DIAPH2: variants seen among roughly 807,000 people sequenced by gnomAD.
DIAPH2 encodes the protein protein diaphanous homolog 2.
A neutral mutation model predicts 92.7 loss-of-function variants in DIAPH2; 35 were observed. That is an observed-to-expected ratio of 0.38 (90% CI 0.29 to 0.50). The LOEUF (loss-of-function observed/expected upper bound fraction) is 0.50. Among genes scored for constraint, DIAPH2 ranks in the 20% least tolerant of loss-of-function variants. DIAPH2 has a pLI of 0.94. For missense variants in DIAPH2, 701 were observed against 819.5 expected (o/e 0.86, Z 1.77); for synonymous variants, 301 against 280.4 (o/e 1.07, Z -0.73).
At chrX:97,044,712 TCTCTTC>T (rs2066469655) in intron 17 of DIAPH2, among the ~76,000 whole-genome samples, 1 of 110,986 alleles carries the variant, frequency 9.0e-6, no homozygotes, top group East Asian at 2.9e-4. Flanking sequence ...TGCTCTAGTG[TCTCTTC>T]TCTTGATAGA....
At chrX:97,177,265 C>G (rs2067500137) in intron 22 of DIAPH2, among the ~76,000 whole-genome samples, 1 of 111,397 alleles carries the variant, frequency 9.0e-6, no homozygotes, top group Admixed American at 9.6e-5. Context: ...GAGATGTTAT[C>G]TTTTCTAATC....
At chrX:97,082,385 C>T (rs766486057) in intron 19 of DIAPH2, among the ~76,000 whole-genome samples, 1 of 106,884 alleles carries the variant, frequency 9.4e-6, no homozygotes, top group African/African-American at 3.4e-5. Flanking sequence ...GTTGGGAGGC[C>T]GAGGAGGGAA....
chrX:96,847,880 G>A (rs2064981999), intron 4 of DIAPH2, among the ~76,000 whole-genome samples: 1 of 110,908 alleles, frequency 9.0e-6, no homozygotes, highest in African/African-American at 3.3e-5. Context: ...ACAAGGTAGT[G>A]AACTAATATA....
chrX:97,515,166 C>T (rs765944105), intron 26 of DIAPH2, among the ~76,000 whole-genome samples: 9 of 112,541 alleles, frequency 8.0e-5, no homozygotes, highest in African/African-American at 2.6e-4. Context: ...AGCGAGATTC[C>T]GTGGGCGTAG....
intron 24 of DIAPH2, among the ~76,000 whole-genome samples, chrX:97,372,153 C>T (rs907553706): frequency 1.8e-5 from 2 of 112,220 alleles, no homozygotes; most frequent in African/African-American, 6.5e-5. Flanking sequence ...ACGGGAGAGA[C>T]AGTTTTTCCC....
intron 22 of DIAPH2, among the ~76,000 whole-genome samples, chrX:97,169,670 G>A (rs1436010274): frequency 1.8e-5 from 2 of 111,800 alleles, no homozygotes; most frequent in Non-Finnish European, 3.8e-5. Flanking sequence ...TTGAGACTAG[G>A]CTGAGCAACA....
chrX:97,411,911 TAGAGACCTAAGA>T (rs908818918), intron 25 of DIAPH2, among the ~76,000 whole-genome samples: 2 of 111,228 alleles, frequency 1.8e-5, no homozygotes, highest in Non-Finnish European at 3.8e-5. Context: ...AGCAAGTCCT[TAGAGACCTAAGA>T]AGAGACTTAG....
Position 97,360,958 on chromosome X carries a change from C to T in DIAPH2, c.3009+12678C>T, listed in dbSNP as rs188032865. On this transcript the variant is annotated intron_variant, in intron 24 of 26. Coordinates refer to ENST00000324765, the MANE Select transcript of DIAPH2 (RefSeq NM_006729.5). ...AGTCATAGCTCACTGTAGCCTCAGACCCCTGGGCTCAAGCTATCCTTCCAC... is the reference window on the plus strand; with the variant it reads ...AGTCATAGCTCACTGTAGCCTCAGATCCCTGGGCTCAAGCTATCCTTCCAC... Among the ~76,000 whole-genome samples the T allele has an allele frequency of 6.3e-5, 7 of 110,997 alleles. No individual in the cohort carries two copies. The East Asian group carries it at 1.7e-3, about 27-fold the overall frequency.
chrX:96,770,837 A>AT (rs2064334153), intron 4 of DIAPH2, among the ~76,000 whole-genome samples: 2 of 112,245 alleles, frequency 1.8e-5, no homozygotes, highest in Non-Finnish European at 3.8e-5. Context: ...AACACTATTA[A>AT]AGTACCAATT....
At chrX:97,532,256 C>T (rs924752279) in intron 26 of DIAPH2, among the ~76,000 whole-genome samples, 3 of 113,116 alleles carry the variant, frequency 2.7e-5, no homozygotes, top group African/African-American at 9.6e-5. Flanking sequence ...TAAAATAAAA[C>T]TCGTGCTTGG....
chrX:96,918,465 A>G, intron 8 of DIAPH2, 44 bp from the exon 9 acceptor site: 5 of 886,113 alleles, frequency 5.6e-6, no homozygotes, highest in Non-Finnish European at 6.5e-6. Flanking sequence ...TAGTGTCTGT[A>G]TAAGAAGTAT....
At chrX:97,440,594 C>CAAAA (rs775916074) in intron 26 of DIAPH2, among the ~76,000 whole-genome samples, 163 of 37,460 alleles carry the variant, frequency 4.4e-3, no homozygotes, top group East Asian at 5.8e-3. Context: ...CTTCGTCTCA[C>CAAAA]AAAAAAAAAA....
intron 25 of DIAPH2, among the ~76,000 whole-genome samples, chrX:97,385,807 G>A: frequency 9.0e-6 from 1 of 111,575 alleles, no homozygotes; most frequent in Non-Finnish European, 1.9e-5. Context: ...TTTACATTTA[G>A]GAACCAATTT....
At chrX:96,996,034 T>C (rs146604108) in intron 17 of DIAPH2, among the ~76,000 whole-genome samples, 6,503 of 111,164 alleles carry the variant, frequency 0.058, 472 homozygotes, top group African/African-American at 0.2. Context: ...CATTACATTA[T>C]ATGCTTATTT....
At chrX:97,516,563 A>G (rs2070950300) in intron 26 of DIAPH2, among the ~76,000 whole-genome samples, 1 of 112,074 alleles carries the variant, frequency 8.9e-6, no homozygotes, top group Non-Finnish European at 1.9e-5. Context: ...GACCTCAGAG[A>G]AGGACAAGAT....
intron 26 of DIAPH2, among the ~76,000 whole-genome samples, chrX:97,571,568 T>C (rs2071370242): frequency 9.0e-6 from 1 of 111,343 alleles, no homozygotes; most frequent in African/African-American, 3.3e-5. Context: ...TATAAAACAG[T>C]AGGAGAAGGA....
At chrX:97,414,949 T>C (rs1300499075) in intron 25 of DIAPH2, among the ~76,000 whole-genome samples, 1 of 111,383 alleles carries the variant, frequency 9.0e-6, no homozygotes, top group East Asian at 2.8e-4. Context: ...ATTTTCACAA[T>C]CTACCCATCT....
intron 19 of DIAPH2, among the ~76,000 whole-genome samples, chrX:97,098,876 A>C (rs919472285): frequency 8.9e-6 from 1 of 112,814 alleles, no homozygotes; most frequent in African/African-American, 3.2e-5. Context: ...CATTCAATTC[A>C]TAAGAATCAT....
chrX:97,395,895 T>G (rs190650153), intron 25 of DIAPH2, among the ~76,000 whole-genome samples: 10 of 112,535 alleles, frequency 8.9e-5, no homozygotes, highest in Admixed American at 3.8e-4. Flanking sequence ...TAACAAGATT[T>G]CATCAATTTG....
Sources: gnomAD v4.1 joint callset for allele counts (sites outside exome capture counted in the v4.1 genomes callset) on GRCh38, gnomAD v4.1.1 for gene constraint, MANE v1.5 for transcripts, NCBI Gene and HGNC (gene_info 2026-07-23, HGNC 2026-07-21) for gene names.